Variants in GIGYF2 observed in about 807,000 individuals in gnomAD.
The protein encoded by GIGYF2 is GRB10-interacting GYF protein 2.
GIGYF2 carries 25 observed loss-of-function variants against 208.1 expected under a neutral mutation model. The observed-to-expected ratio is 0.12, with a 90% CI of 0.09 to 0.17. The LOEUF is 0.17. Among genes scored for constraint, GIGYF2 ranks in the 10% least tolerant of loss-of-function variants. The pLI, the probability that GIGYF2 is intolerant of heterozygous loss-of-function variation, is 1.00. For missense variants in GIGYF2, 1,302 were observed against 1,579.4 expected (o/e 0.82, Z 2.98); for synonymous variants, 534 against 543.8 (o/e 0.98, Z 0.25).
chr2:232,789,958 T>C (rs1700023715), intron 9 of GIGYF2, among the ~76,000 whole-genome samples: 1 of 151,938 alleles, frequency 6.6e-6, no homozygotes, highest in African/African-American at 2.4e-5. Flanking sequence ...AATTAAGAGA[T>C]GAGAAAGAAG....
intron 8 of GIGYF2, chr2:232,768,017 A>G: frequency 1.6e-6 from 1 of 636,450 alleles, no homozygotes. Flanking sequence ...GTAGAGTGTT[A>G]TGTTTCCAGA....
At chr2:232,811,414 G>C (rs867368720) in intron 17 of GIGYF2, 63 bp downstream of exon 17, 38 of 981,000 alleles carry the variant, frequency 3.9e-5, no homozygotes, top group Middle Eastern at 4.1e-4. Context: ...AGAGAAGAAA[G>C]GAGAAATTCT....
Position 232,825,929 on chromosome 2 carries a change from C to G in GIGYF2, c.2529+5944C>G, listed in dbSNP as rs557630954. On this transcript the variant is annotated intron_variant, in intron 21 of 28. Coordinates refer to ENST00000373563, the MANE Select transcript of GIGYF2 (RefSeq NM_001103146.3). ...TCCATGTGTTCTCATTGTTCAACTCCCACCTGTGAGTGAGAACATGTGGTG... is the reference window on the plus strand; with the variant it reads ...TCCATGTGTTCTCATTGTTCAACTCGCACCTGTGAGTGAGAACATGTGGTG... 3.4e-5 allele frequency among the ~76,000 whole-genome samples: 5 copies of G among 148,650 alleles called. No individual in the cohort carries two copies. In the South Asian group the frequency reaches 1.1e-3, roughly 33 times the overall value.
chr2:232,765,012 A>T (rs1698898811), intron 8 of GIGYF2, among the ~76,000 whole-genome samples: 1 of 152,168 alleles, frequency 6.6e-6, no homozygotes, highest in Non-Finnish European at 1.5e-5. Flanking sequence ...TATTAAGGAT[A>T]CTAACTTCTA....
intron 2 of GIGYF2, among the ~76,000 whole-genome samples, chr2:232,723,376 A>G (rs2106276306): frequency 6.6e-6 from 1 of 152,154 alleles, no homozygotes; most frequent in South Asian, 2.1e-4. Flanking sequence ...AAAAAAATGG[A>G]AATTTTCTTT....
Position 232,839,955 on chromosome 2 carries a change from G to C in GIGYF2, c.2873G>C (p.Arg958Pro). Residue 958 changes from arginine to proline, a missense_variant, in exon 23 of 29, where the codon CGG (arginine) becomes CCG (proline). This residue lies in a region of GIGYF2 where 701 missense variants were observed against 793.0 expected (regional missense o/e 0.88). Coordinates refer to ENST00000373563, the MANE Select transcript of GIGYF2 (RefSeq NM_001103146.3). ...CAAAAACTAGAGGAAGAACGAGAAC[G>C]GCAGCTTCGAGAAGAGGTAAAATTT... ...EIQKLEEERERQLREEQRRQQ... is the reference protein window; with the variant it reads ...EIQKLEEEREPQLREEQRRQQ... 1 of 1,614,018 alleles carries C rather than the reference G, an allele frequency of 6.2e-7. No homozygotes were observed. The highest frequency in any genetic ancestry group is 8.5e-7 in the Non-Finnish European group (1 of 1,179,954).
chr2:232,796,336 A>G lies in GIGYF2; in HGVS notation c.1639+115A>G, dbSNP rs996101389. 12 of 756,972 alleles carry G rather than the reference A, an allele frequency of 1.6e-5. No homozygotes were observed. The African/African-American group carries it at 1.7e-4, about 11-fold the overall frequency. The allele number at this position is 756,972 out of a possible 1,614,324, so 46.9% of individuals were successfully genotyped here. ...TAGAAAAAGAAGTCAACAAGCACAC[A>G]CGCGCGCACACACGCAGACTAGAAG... is the stretch of plus-strand genomic sequence containing the variant. On this transcript the variant is annotated intron_variant, in intron 14 of 28. Transcript: ENST00000373563.
At chr2:232,801,611 A>G (rs1027323354) in intron 14 of GIGYF2, among the ~76,000 whole-genome samples, 2 of 152,252 alleles carry the variant, frequency 1.3e-5, no homozygotes, top group Non-Finnish European at 2.9e-5. Context: ...TTAATTAACA[A>G]GCATACTAAT....
Position 232,753,479 on chromosome 2 carries a change from G to A in GIGYF2, c.268-2744G>A, listed in dbSNP as rs138575630. On this transcript the variant is annotated intron_variant, in intron 5 of 28. Coordinates refer to ENST00000373563, the MANE Select transcript of GIGYF2 (RefSeq NM_001103146.3). ...TTGCCGTGTTGGCCAGGCTAGTCTCGAACTCCTGGCCTCAAGTGATCTGCC... is the reference window on the plus strand; with the variant it reads ...TTGCCGTGTTGGCCAGGCTAGTCTCAAACTCCTGGCCTCAAGTGATCTGCC... Among the ~76,000 whole-genome samples the A allele has an allele frequency of 2.2e-3, 334 of 151,858 alleles. 1 individual carries two copies. The highest frequency in any genetic ancestry group is 7.3e-3 in the African/African-American group (303 of 41,426).
Position 232,798,502 on chromosome 2 carries a change from G to A in GIGYF2, c.1639+2281G>A, listed in dbSNP as rs1328529740. 2.6e-5 allele frequency among the ~76,000 whole-genome samples: 4 copies of A among 152,174 alleles called. No individual in the cohort carries two copies. In the East Asian group the frequency reaches 7.7e-4, roughly 29 times the overall value. Reference sequence around the variant, plus strand: ...AAACTGCCAAACTGTTTCCCAGAGTGGCTATACCATTTCATATGCCCACCA... The same window carrying A: ...AAACTGCCAAACTGTTTCCCAGAGTAGCTATACCATTTCATATGCCCACCA... On this transcript the variant is annotated intron_variant, in intron 14 of 28. Coordinates refer to ENST00000373563, the MANE Select transcript of GIGYF2 (RefSeq NM_001103146.3).
chr2:232,717,965 C>G (rs1696765321), intron 2 of GIGYF2, among the ~76,000 whole-genome samples: 1 of 152,102 alleles, frequency 6.6e-6, no homozygotes, highest in South Asian at 2.1e-4. Flanking sequence ...CCATAGTACT[C>G]TTCTTGAACA....
intron 16 of GIGYF2, 194 bp from the exon 17 acceptor site, chr2:232,811,050 T>C (rs1004339997): frequency 2.0e-5 from 11 of 549,226 alleles, no homozygotes; most frequent in Non-Finnish European, 3.2e-5. Flanking sequence ...ATCTATGAGT[T>C]CAGTTCTTTC....
intron 21 of GIGYF2, among the ~76,000 whole-genome samples, chr2:232,827,379 T>TA (rs1559461077): frequency 6.6e-6 from 1 of 152,242 alleles, no homozygotes; most frequent in African/African-American, 2.4e-5. Flanking sequence ...TTGTGTTTGA[T>TA]AGAGTTCACC....
intron 28 of GIGYF2, among the ~76,000 whole-genome samples, chr2:232,854,707 A>G (rs1409537288): frequency 2.0e-5 from 3 of 152,048 alleles, no homozygotes; most frequent in Non-Finnish European, 4.4e-5. Context: ...TTTTTGAATC[A>G]TGATATTTTT....
intron 23 of GIGYF2, 71 bp from the exon 24 acceptor site, chr2:232,843,975 A>T: frequency 7.4e-7 from 1 of 1,348,256 alleles, no homozygotes; most frequent in Non-Finnish European, 1.1e-6. Flanking sequence ...CATTCCATTT[A>T]GTATACTGGA....
At chr2:232,730,920 A>G (rs995985698) in intron 2 of GIGYF2, among the ~76,000 whole-genome samples, 1 of 151,120 alleles carries the variant, frequency 6.6e-6, no homozygotes, top group African/African-American at 2.4e-5. Context: ...AAAAAAAAAA[A>G]AAGAAATCTT....
intron 2 of GIGYF2, among the ~76,000 whole-genome samples, chr2:232,714,083 G>A (rs935921125): frequency 9.2e-5 from 14 of 151,920 alleles, no homozygotes; most frequent in African/African-American, 3.4e-4. Flanking sequence ...CAGAGTAGCT[G>A]GGACTACAGG....
chr2:232,766,352 T>G (rs34063802), intron 8 of GIGYF2: 2 of 178,886 alleles, frequency 1.1e-5, no homozygotes, highest in Admixed American at 1.2e-4. Flanking sequence ...AAATGGAACC[T>G]TAGATCTCAG....
At chr2:232,725,921 G>A (rs1350805365) in intron 2 of GIGYF2, among the ~76,000 whole-genome samples, 3 of 152,224 alleles carry the variant, frequency 2.0e-5, no homozygotes, top group Admixed American at 6.5e-5. Context: ...TGTATATGAA[G>A]TGTGTTATTC....
Sources: allele counts gnomAD v4.1 joint callset (sites outside exome capture counted in the v4.1 genomes callset), GRCh38; gene constraint gnomAD v4.1.1; regional missense constraint gnomAD v4.1.1; transcripts MANE v1.5; gene names NCBI Gene and HGNC (gene_info 2026-07-23, HGNC 2026-07-21).